DSCAM: variants seen among roughly 807,000 people sequenced by gnomAD.
DSCAM encodes the protein DS cell adhesion molecule, also known as cell adhesion molecule DSCAM.
Under a neutral mutation model 217.7 loss-of-function variants are expected in DSCAM, and 47 were observed. That is an observed-to-expected ratio of 0.22 (90% CI 0.17 to 0.28). The LOEUF (loss-of-function observed/expected upper bound fraction) is 0.28. Ranked by LOEUF, DSCAM falls within the 10% of genes least tolerant of loss-of-function variation. The pLI, the probability that DSCAM is intolerant of heterozygous loss-of-function variation, is 1.00. For missense variants in DSCAM, 2,080 were observed against 2,618.3 expected, an observed-to-expected ratio of 0.79 and a Z score of 4.49; for synonymous variants, 1,056 against 1,015.3, an observed-to-expected ratio of 1.04 and a Z score of -0.76.
At chr21:40,517,115 C>A (rs1046136615) in intron 3 of DSCAM, among the ~76,000 whole-genome samples, 2 of 147,410 alleles carry the variant, frequency 1.4e-5, no homozygotes, top group South Asian at 4.2e-4. Flanking sequence ...CCCACACATA[C>A]CTTATGTGTA....
In DSCAM at chr21:40,526,539, G is replaced by C. The variant is rs1422055575; in HGVS notation, c.509-157294C>G. ...TAGAAGACAAGGACATCTGCCAAAA[G>C]AGGATGGGGTGAGAGATGGCATGGT... is the stretch of plus-strand genomic sequence containing the variant. On this transcript the variant is annotated intron_variant, in intron 3 of 32. Coordinates refer to ENST00000400454, the MANE Select transcript of DSCAM (RefSeq NM_001389.5). Among the ~76,000 whole-genome samples the C allele has an allele frequency of 2.6e-5, 4 of 152,126 alleles. 1 individual carries two copies. The South Asian group carries it at 8.3e-4, about 32-fold the overall frequency.
chr21:40,128,019 G>A lies in DSCAM; in HGVS notation c.3563-3691C>T, dbSNP rs145469119. Among the ~76,000 whole-genome samples, 398 of 151,836 alleles carry A rather than the reference G, an allele frequency of 2.6e-3. 1 individual carries two copies. Among genetic ancestry groups the A allele is most frequent in the African/African-American group, 9.4e-3 (388 of 41,358 alleles). ...ACTCATCTCTCAGGTTCTAGCACAC[G>A]TCATTTCCTCCAGGAAGTCTTCCCT... On this transcript the variant is annotated intron_variant, in intron 19 of 32. Transcript: ENST00000400454.
chr21:40,276,308 G>A (rs374368412), intron 10 of DSCAM, 38 bp from the exon 11 acceptor site: 137 of 1,550,664 alleles, frequency 8.8e-5, no homozygotes, highest in Middle Eastern at 1.9e-4. Flanking sequence ...TGATGCAAAC[G>A]AGAGTAAGTA....
chr21:40,725,794 A>G lies in DSCAM; in HGVS notation c.44-17023T>C, dbSNP rs1295759000. Among the ~76,000 whole-genome samples, 3 of 152,116 alleles carry G rather than the reference A, an allele frequency of 2.0e-5. No homozygotes were observed. In the East Asian group the frequency reaches 5.8e-4, roughly 29 times the overall value. ...GAGACCAAGGGCCTGCCTTTTCTGGACCTCAGTGTGCAGCCATTTATAAAG... is the reference window on the plus strand; with the variant it reads ...GAGACCAAGGGCCTGCCTTTTCTGGGCCTCAGTGTGCAGCCATTTATAAAG... On this transcript the variant is annotated intron_variant, in intron 1 of 32. Coordinates refer to ENST00000400454, the MANE Select transcript of DSCAM (RefSeq NM_001389.5).
intron 1 of DSCAM, among the ~76,000 whole-genome samples, chr21:40,808,587 C>G (rs566311649): frequency 1.3e-5 from 2 of 151,612 alleles, no homozygotes; most frequent in African/African-American, 4.8e-5. Context: ...GTTCCTCTTG[C>G]TTCAGCCTCC....
chr21:40,523,660 G>C (rs2076377414), intron 3 of DSCAM, among the ~76,000 whole-genome samples: 1 of 152,158 alleles, frequency 6.6e-6, no homozygotes, highest in South Asian at 2.1e-4. Context: ...GGTGTGATCT[G>C]ATTCTTCTGG....
At chr21:40,423,514 C>G (rs539227663) in intron 3 of DSCAM, among the ~76,000 whole-genome samples, 15 of 152,300 alleles carry the variant, frequency 9.8e-5, no homozygotes, top group African/African-American at 3.6e-4. Context: ...AGTGGGCCAG[C>G]CTACAAAGTC....
chr21:40,083,862 G>A, intron 24 of DSCAM, 46 bp downstream of exon 24: 3 of 1,492,786 alleles, frequency 2.0e-6, no homozygotes, highest in Non-Finnish European at 2.8e-6. Flanking sequence ...TTGGCATGTG[G>A]ATCACACAAC....
At chr21:40,611,680 C>G (rs1468015748) in intron 3 of DSCAM, among the ~76,000 whole-genome samples, 1 of 152,182 alleles carries the variant, frequency 6.6e-6, no homozygotes, top group Non-Finnish European at 1.5e-5. Context: ...GTAATGTTGA[C>G]TCATTAGTAA....
At chr21:40,110,517 C>A (rs1317176285) in intron 20 of DSCAM, among the ~76,000 whole-genome samples, 1 of 152,212 alleles carries the variant, frequency 6.6e-6, no homozygotes, top group Non-Finnish European at 1.5e-5. Context: ...GCCTCTCCTC[C>A]TCCAAAGGAA....
At chr21:40,572,087 T>G (rs199513880) in intron 3 of DSCAM, among the ~76,000 whole-genome samples, 1,738 of 9,380 alleles carry the variant, frequency 0.19, 19 homozygotes, top group African/African-American at 0.43. Context: ...TGTGTGTGGG[T>G]GTGTGTGTGT....
chr21:40,546,327 G>A (rs941813919), intron 3 of DSCAM, among the ~76,000 whole-genome samples: 7 of 152,202 alleles, frequency 4.6e-5, no homozygotes, highest in Admixed American at 1.3e-4. Context: ...AAGGGCCACC[G>A]CCCAGTCAGT....
At chr21:40,277,651 T>TTGA (rs1173686672) in intron 10 of DSCAM, among the ~76,000 whole-genome samples, 1 of 149,218 alleles carries the variant, frequency 6.7e-6, no homozygotes, top group African/African-American at 2.5e-5. Context: ...TTTTTTTTTT[T>TTGA]GAGATGTAGT....
intron 3 of DSCAM, among the ~76,000 whole-genome samples, chr21:40,522,648 A>G (rs2076368027): frequency 6.6e-6 from 1 of 152,186 alleles, no homozygotes; most frequent in South Asian, 2.1e-4. Flanking sequence ...GGGAAACAGA[A>G]TTGATCAGCT....
At chr21:40,054,897 G>C (rs923958927) in intron 29 of DSCAM, among the ~76,000 whole-genome samples, 1 of 152,166 alleles carries the variant, frequency 6.6e-6, no homozygotes, top group African/African-American at 2.4e-5. Context: ...TTCATATGTT[G>C]GTTGAAAGGT....
intron 1 of DSCAM, among the ~76,000 whole-genome samples, chr21:40,804,150 C>T (rs954041232): frequency 6.6e-6 from 1 of 152,216 alleles, no homozygotes; most frequent in East Asian, 1.9e-4. Flanking sequence ...CAAGGCCACT[C>T]CCCAAGTCCT....
chr21:40,240,347 T>G (rs1323545655), intron 11 of DSCAM, among the ~76,000 whole-genome samples: 1 of 134,372 alleles, frequency 7.4e-6, no homozygotes, highest in Non-Finnish European at 1.5e-5. Flanking sequence ...GCTTCCTCAC[T>G]GGTTTTTTTT....
At chr21:40,055,952 G>A (rs1485583922) in intron 28 of DSCAM, 112 bp from the exon 29 acceptor site, 4 of 716,902 alleles carry the variant, frequency 5.6e-6, no homozygotes, top group Non-Finnish European at 9.7e-6. Context: ...AATACCTTGT[G>A]AGGAGGGGAA....
At chr21:40,620,069 GAGAAAGAGAAAAA>G (rs1457272863) in intron 3 of DSCAM, among the ~76,000 whole-genome samples, 1 of 61,910 alleles carries the variant, frequency 1.6e-5, no homozygotes, top group African/African-American at 6.5e-5. Flanking sequence ...GAAAGAAAGA[GAGAAAGAGAAAAA>G]AGAAAGAGAG....
Sources: gnomAD v4.1 joint callset for allele counts (sites outside exome capture counted in the v4.1 genomes callset) on GRCh38, gnomAD v4.1.1 for gene constraint, MANE v1.5 for transcripts, NCBI Gene and HGNC (gene_info 2026-07-23, HGNC 2026-07-21) for gene names.